CIB1: variants seen among roughly 807,000 people sequenced by gnomAD.
CIB1 encodes the protein calcium and integrin binding 1.
Under a neutral mutation model 25.0 loss-of-function variants are expected in CIB1, and 19 were observed. That is an observed-to-expected ratio of 0.76 (90% CI 0.53 to 1.12). The LOEUF is 1.12. Among genes scored for constraint, CIB1 ranks in the 50% most tolerant of loss-of-function variants. The pLI, the probability that CIB1 is intolerant of heterozygous loss-of-function variation, is 0.00. For missense variants in CIB1, 236 were observed against 242.6 expected (o/e 0.97, Z 0.18); for synonymous variants, 104 against 98.5 (o/e 1.06, Z -0.33).
the CIB1 span, among the ~76,000 whole-genome samples, chr15:90,264,516 G>A: frequency 7.9e-5 from 12 of 152,136 alleles, no homozygotes; most frequent in Non-Finnish European, 1.2e-4. Context: ...AGAAATGGCA[G>A]AAATACAGTC....
the CIB1 span, chr15:90,262,479 T>C: frequency 6.8e-7 from 1 of 1,470,280 alleles, no homozygotes; most frequent in Non-Finnish European, 8.9e-7. Context: ...CTGAAGCTGC[T>C]GTGTCTTGTC....
chr15:90,241,181 T>C, the CIB1 span: 6 of 1,614,080 alleles, frequency 3.7e-6, no homozygotes, highest in Admixed American at 6.7e-5. Flanking sequence ...TCCCTGGTGC[T>C]GTGGGTTTCG....
At chr15:90,255,773 G>A in the CIB1 span, 2 of 1,614,122 alleles carry the variant, frequency 1.2e-6, no homozygotes, top group African/African-American at 2.7e-5. Flanking sequence ...CCACTTCCCT[G>A]GCATGACAGA....
upstream of CIB1, among the ~76,000 whole-genome samples, chr15:90,238,894 A>G (rs1383831949): frequency 6.6e-6 from 1 of 152,224 alleles, no homozygotes; most frequent in Non-Finnish European, 1.5e-5. Flanking sequence ...ATTTGAGACC[A>G]CCTGAACAGC....
the CIB1 span, among the ~76,000 whole-genome samples, chr15:90,252,972 C>T: frequency 6.6e-6 from 1 of 152,116 alleles, no homozygotes; most frequent in Non-Finnish European, 1.5e-5. Context: ...CACTGCACTC[C>T]AGCACAAGGG....
chr15:90,242,112 A>G, the CIB1 span: 5 of 1,462,300 alleles, frequency 3.4e-6, no homozygotes, highest in South Asian at 5.2e-5. Flanking sequence ...CTTTTGAGAT[A>G]GGGTCTCACT....
chr15:90,265,528 T>G, the CIB1 span: 2 of 1,396,170 alleles, frequency 1.4e-6, no homozygotes, highest in Non-Finnish European at 1.9e-6. Flanking sequence ...GGAAGCCCTC[T>G]CCACAGTTAC....
At chr15:90,234,080 G>T, upstream of CIB1, 2 of 521,598 alleles carry the variant, frequency 3.8e-6, no homozygotes, top group Non-Finnish European at 6.2e-6. Context: ...GCTCCAAGCG[G>T]TCCTAGGCGA....
the CIB1 span, among the ~76,000 whole-genome samples, chr15:90,259,443 A>T: frequency 1.3e-5 from 2 of 151,992 alleles, no homozygotes; most frequent in Non-Finnish European, 2.9e-5. Context: ...AAAAATACAG[A>T]GGGTAGTCTT....
At chr15:90,236,708 A>G (rs1555425592), upstream of CIB1, among the ~76,000 whole-genome samples, 1 of 147,472 alleles carries the variant, frequency 6.8e-6, no homozygotes, top group South Asian at 2.2e-4. Context: ...TAATTTTTGT[A>G]TTTTTTTTTA....
At chr15:90,259,094 G>A in the CIB1 span, 1 of 1,421,356 alleles carries the variant, frequency 7.0e-7, no homozygotes, top group Non-Finnish European at 9.2e-7. Context: ...CAGGCTTGGT[G>A]GCTCATATCT....
At chr15:90,232,380 G>A in intron 2 of CIB1, 53 bp from the exon 3 acceptor site, 1 of 1,546,420 alleles carries the variant, frequency 6.5e-7, no homozygotes. Flanking sequence ...CTCCCTGTGT[G>A]TTCATTCCCA....
chr15:90,238,831 T>C (rs1481596082), upstream of CIB1, among the ~76,000 whole-genome samples: 1 of 152,186 alleles, frequency 6.6e-6, no homozygotes, highest in African/African-American at 2.4e-5. Context: ...AACTCAGGTA[T>C]GATTTTCTGG....
the CIB1 span, among the ~76,000 whole-genome samples, chr15:90,251,112 G>GTGTTTTTTTTT: frequency 7.2e-5 from 7 of 97,134 alleles, no homozygotes; most frequent in African/African-American, 3.0e-4. Flanking sequence ...ATCCTGGTCT[G>GTGTTTTTTTTT]TCTTTTTTTT....
chr15:90,230,847 C>T, intron 6 of CIB1, 87 bp downstream of exon 6: 1 of 1,193,630 alleles, frequency 8.4e-7, no homozygotes, highest in Non-Finnish European at 1.2e-6. Context: ...CTCACCCTGG[C>T]ACCACCTCCT....
Position 90,233,662 on chromosome 15 carries a change from C to T in CIB1, c.86+7G>A, listed in dbSNP as rs747908173. 6.3e-7 allele frequency: 1 copy of T among 1,575,866 alleles called. No homozygotes were observed. ...GGGTCGGAGGCAGGGTTCAAGGCAGCACTTACAGGAGGATCTCCTGCTTCG... is the reference window on the plus strand; with the variant it reads ...GGGTCGGAGGCAGGGTTCAAGGCAGTACTTACAGGAGGATCTCCTGCTTCG... On this transcript the variant is annotated splice_region_variant and intron_variant, in intron 2 of 6. Coordinates refer to ENST00000328649, the MANE Select transcript of CIB1 (RefSeq NM_006384.4).
chr15:90,259,149 G>A, the CIB1 span: 1 of 1,035,608 alleles, frequency 9.7e-7, no homozygotes, highest in Admixed American at 3.1e-5. Context: ...GATTGCTTGA[G>A]CCCTAGAGTT....
At chr15:90,258,667 C>G in the CIB1 span, 3 of 1,262,364 alleles carry the variant, frequency 2.4e-6, no homozygotes, top group South Asian at 3.7e-5. Flanking sequence ...CTTAGACCCT[C>G]TAGTTAATGC....
the CIB1 span, among the ~76,000 whole-genome samples, chr15:90,256,463 G>C: frequency 6.6e-6 from 1 of 152,116 alleles, no homozygotes; most frequent in Admixed American, 6.5e-5. Context: ...GCCTGCCTGG[G>C]GTTGAATCTC....
Sources: gnomAD v4.1 joint callset for allele counts (sites outside exome capture counted in the v4.1 genomes callset) on GRCh38, gnomAD v4.1.1 for gene constraint, MANE v1.5 for transcripts, NCBI Gene and HGNC (gene_info 2026-07-23, HGNC 2026-07-21) for gene names.